The following RNF17 variants were observed in gnomAD, a reference collection of about 807,000 sequenced individuals.
RNF17 encodes the protein ring finger protein 17, also known as spermatogenesis associated 23.
Under a neutral mutation model 200.5 loss-of-function variants are expected in RNF17, and 31 were observed. The ratio of observed to expected loss-of-function variants is 0.15; its 90% CI spans 0.12 to 0.21. RNF17 has a LOEUF of 0.21. Among genes scored for constraint, RNF17 ranks in the 10% least tolerant of loss-of-function variants. The pLI is 1.00. For synonymous variants in RNF17, 606 were observed against 637.8 expected, an observed-to-expected ratio of 0.95 and a Z score of 0.75; for missense variants, 1,628 against 1,905.1, an observed-to-expected ratio of 0.85 and a Z score of 2.71.
At chr13:24,806,254 A>G (rs1228387553) in intron 15 of RNF17, among the ~76,000 whole-genome samples, 3 of 152,082 alleles carry the variant, frequency 2.0e-5, no homozygotes, top group Admixed American at 2.0e-4. Context: ...TTCTTTATCC[A>G]GTCTATCATT....
At chr13:24,865,577 C>A (rs1566246853) in intron 29 of RNF17, among the ~76,000 whole-genome samples, 1 of 152,138 alleles carries the variant, frequency 6.6e-6, no homozygotes, top group Non-Finnish European at 1.5e-5. Flanking sequence ...TATTTTATAT[C>A]ACAAGATATT....
At chr13:24,887,116 A>G in the RNF17 span, among the ~76,000 whole-genome samples, 5 of 152,172 alleles carry the variant, frequency 3.3e-5, no homozygotes, top group African/African-American at 1.2e-4. Flanking sequence ...TTATGACCCC[A>G]AGATAGGGAA....
At chr13:24,791,446 G>C (rs1883844556) in intron 9 of RNF17, among the ~76,000 whole-genome samples, 2 of 152,130 alleles carry the variant, frequency 1.3e-5, no homozygotes, top group African/African-American at 4.8e-5. Flanking sequence ...AAAGTAAGTT[G>C]GGAGGGGGAA....
chr13:24,888,492 A>G, the RNF17 span, among the ~76,000 whole-genome samples: 80 of 152,322 alleles, frequency 5.3e-4, no homozygotes, highest in African/African-American at 1.8e-3. Flanking sequence ...CACGGAATCA[A>G]CCACCATTTT....
At chr13:24,874,757 A>T (rs1894679035) in intron 33 of RNF17, among the ~76,000 whole-genome samples, 1 of 152,156 alleles carries the variant, frequency 6.6e-6, no homozygotes, top group South Asian at 2.1e-4. Flanking sequence ...CATTAAATAC[A>T]TTCACAAGGT....
chr13:24,866,191 A>G lies in RNF17; in HGVS notation c.4149A>G (p.Glu1383=), dbSNP rs748343677. ...AAAAGTATGAAGAGGAACAATGGGAAATAAGGTTTGAGGTAAGTAACAATC... is the reference window on the plus strand; with the variant it reads ...AAAAGTATGAAGAGGAACAATGGGAGATAAGGTTTGAGGTAAGTAACAATC... The part of the protein sequence containing the change: ...HDKKYEEEQW[E]IRFEELLSAE... Residue 1383 remains glutamate, a synonymous_variant, in exon 30 of 36, where the codon GAA becomes GAG. Transcript: ENST00000255324. 8 of 1,554,660 alleles carry G rather than the reference A, an allele frequency of 5.1e-6. No homozygotes were observed. In the Middle Eastern group the frequency reaches 1.0e-3, roughly 196 times the overall value.
chr13:24,834,989 C>G (rs935588264), intron 18 of RNF17, among the ~76,000 whole-genome samples: 1 of 152,162 alleles, frequency 6.6e-6, no homozygotes, highest in South Asian at 2.1e-4. Flanking sequence ...GGGGGGAACA[C>G]AGTGGGAATG....
intron 6 of RNF17, among the ~76,000 whole-genome samples, chr13:24,783,070 G>A (rs1882644741): frequency 6.6e-6 from 1 of 152,068 alleles, no homozygotes; most frequent in Non-Finnish European, 1.5e-5. Flanking sequence ...TAATTTTTGT[G>A]TATGGCATAA....
At chr13:24,831,574 CCTG>C (rs1452092410) in intron 17 of RNF17, among the ~76,000 whole-genome samples, 1 of 152,192 alleles carries the variant, frequency 6.6e-6, no homozygotes, top group African/African-American at 2.4e-5. Context: ...CATCCTGTAA[CCTG>C]CTTTTTACAA....
intron 5 of RNF17, among the ~76,000 whole-genome samples, chr13:24,781,313 G>A (rs917251577): frequency 6.6e-6 from 1 of 151,768 alleles, no homozygotes; most frequent in African/African-American, 2.4e-5. Flanking sequence ...TTTTTTTTAG[G>A]TCTTGTTGCC....
chr13:24,843,135 A>G (rs1319253339), intron 19 of RNF17, among the ~76,000 whole-genome samples: 3 of 152,072 alleles, frequency 2.0e-5, no homozygotes, highest in Admixed American at 2.0e-4. Context: ...TTTCCTGCTC[A>G]CTCCCATGCT....
Position 24,793,307 on chromosome 13 carries a change from G to C in RNF17, c.1201G>C (p.Asp401His), listed in dbSNP as rs759367575. Reference protein sequence around the residue: ...AVLPQMGSSPDVIIEEIIEDN... With the variant: ...AVLPQMGSSPHVIIEEIIEDN... ...GTTACCTCAGATGGGATCTAGCCCT[G>C]ATGTGATAATTGAAGAAATTATTGA... The change falls in exon 10 of 36, where the codon GAT (aspartate) becomes CAT (histidine). Residue 401 changes from aspartate to histidine, a missense_variant. Around this residue, in one of 5 missense-constraint regions of RNF17, gnomAD observed 502 missense variants for 501.7 expected, o/e 1.00. Coordinates refer to ENST00000255324, the MANE Select transcript of RNF17 (RefSeq NM_031277.3). The C allele has an allele frequency of 1.9e-6, 3 of 1,593,826 alleles. No homozygotes were observed. The highest frequency in any genetic ancestry group is 2.6e-6 in the Non-Finnish European group (3 of 1,173,506).
the RNF17 span, among the ~76,000 whole-genome samples, chr13:24,884,926 C>G: frequency 6.6e-6 from 1 of 152,190 alleles, no homozygotes; most frequent in African/African-American, 2.4e-5. Context: ...AGCTGGAACC[C>G]CCAGGCAGTT....
intron 15 of RNF17, among the ~76,000 whole-genome samples, chr13:24,821,671 G>T (rs906557748): frequency 6.6e-6 from 1 of 151,898 alleles, no homozygotes. Context: ...ATACTTTTGA[G>T]CTCCAGAATT....
At chr13:24,751,241 GC>G in the RNF17 span, 2 of 151,520 alleles carry the variant, frequency 1.3e-5, no homozygotes, top group Non-Finnish European at 2.9e-5. Flanking sequence ...TGATTTTGTT[GC>G]ATTGATCCAT....
chr13:24,873,099 A>G (rs2138434369), intron 32 of RNF17, among the ~76,000 whole-genome samples: 1 of 152,352 alleles, frequency 6.6e-6, no homozygotes, highest in East Asian at 1.9e-4. Context: ...TGGTAGTCCC[A>G]TAGCAAATGA....
chr13:24,790,856 C>T (rs1203462417), intron 9 of RNF17, among the ~76,000 whole-genome samples: 2 of 152,188 alleles, frequency 1.3e-5, no homozygotes, highest in Non-Finnish European at 2.9e-5. Context: ...CTAGTTCCCT[C>T]CAGACTTGTT....
chr13:24,752,809 G>A, the RNF17 span, among the ~76,000 whole-genome samples: 1 of 152,242 alleles, frequency 6.6e-6, no homozygotes, highest in Non-Finnish European at 1.5e-5. Flanking sequence ...CCAGATGACA[G>A]CCAGAGTAGT....
chr13:24,758,646 G>A, the RNF17 span, among the ~76,000 whole-genome samples: 2 of 152,092 alleles, frequency 1.3e-5, no homozygotes. Flanking sequence ...CATTGCATAT[G>A]GTATTTGTAT....
Sources: allele counts gnomAD v4.1 joint callset (sites outside exome capture counted in the v4.1 genomes callset), GRCh38; gene constraint gnomAD v4.1.1; regional missense constraint gnomAD v4.1.1; transcripts MANE v1.5; gene names NCBI Gene and HGNC (gene_info 2026-07-23, HGNC 2026-07-21).